Variants in PIAS1 observed in about 807,000 individuals in gnomAD.
PIAS1 encodes E3 SUMO-protein ligase PIAS1.
A neutral mutation model predicts 71.3 loss-of-function variants in PIAS1; 6 were observed. The ratio of observed to expected loss-of-function variants is 0.08; its 90% CI spans 0.05 to 0.17. PIAS1 has a LOEUF of 0.17. Ranked by LOEUF, PIAS1 falls within the 10% of genes least tolerant of loss-of-function variation. PIAS1 has a pLI of 1.00. For synonymous variants in PIAS1, 303 were observed against 292.9 expected, an observed-to-expected ratio of 1.03 and a Z score of -0.35; for missense variants, 555 against 793.6, an observed-to-expected ratio of 0.70 and a Z score of 3.61.
chr15:68,085,299 T>G (rs2092269570), intron 1 of PIAS1, among the ~76,000 whole-genome samples: 1 of 152,192 alleles, frequency 6.6e-6, no homozygotes, highest in South Asian at 2.1e-4. Flanking sequence ...GGTAAGTGAT[T>G]TCTTCTCTTT....
intron 8 of PIAS1, among the ~76,000 whole-genome samples, chr15:68,169,799 G>A (rs59026798): frequency 0.013 from 1,968 of 152,196 alleles, 42 homozygotes; most frequent in African/African-American, 0.045. Context: ...TTATTGAAAA[G>A]TTACTATGTG....
At chr15:68,069,658 C>A (rs545139323) in intron 1 of PIAS1, among the ~76,000 whole-genome samples, 1 of 151,888 alleles carries the variant, frequency 6.6e-6, no homozygotes, top group Non-Finnish European at 1.5e-5. Flanking sequence ...AAAAATTAGC[C>A]GGGCGTGGTG....
chr15:68,180,807 G>T (rs1043825512), intron 11 of PIAS1, among the ~76,000 whole-genome samples: 2 of 152,160 alleles, frequency 1.3e-5, no homozygotes, highest in Non-Finnish European at 2.9e-5. Flanking sequence ...TAGGGCATAC[G>T]TATGCTTCTT....
chr15:68,151,442 T>C (rs2092843178), intron 6 of PIAS1, among the ~76,000 whole-genome samples: 1 of 152,100 alleles, frequency 6.6e-6, no homozygotes, highest in African/African-American at 2.4e-5. Context: ...TAGTTTCACA[T>C]TGTTAATTAG....
At position 68,097,258 on chromosome 15, in the gene PIAS1, T is replaced by C. The variant is rs142503953; in HGVS notation, c.469+10508T>C. Among the ~76,000 whole-genome samples the C allele has an allele frequency of 2.6e-5, 4 of 152,322 alleles. No individual in the cohort carries two copies. The East Asian group carries it at 7.7e-4, about 29-fold the overall frequency. ...AGGAATAAACCCCACTTGATCATTA[T>C]GTAAAACCCTTTTCATATGCTATTG... On this transcript the variant is annotated intron_variant, in intron 2 of 13. Transcript: ENST00000249636.
intron 8 of PIAS1, among the ~76,000 whole-genome samples, chr15:68,172,850 T>C (rs1390603951): frequency 6.6e-6 from 1 of 152,206 alleles, no homozygotes; most frequent in Non-Finnish European, 1.5e-5. Flanking sequence ...CCGTGTTAGC[T>C]GAAGCAATAT....
intron 2 of PIAS1, among the ~76,000 whole-genome samples, chr15:68,088,176 G>GTGTGTGTATATATATATATATATATA (rs150997979): frequency 1.1e-4 from 8 of 73,000 alleles, no homozygotes; most frequent in African/African-American, 3.7e-4. Flanking sequence ...TTATGTGTGT[G>GTGTGTGTATATATATATATATATATA]TATATATATA....
At chr15:68,059,441 A>G (rs929739854) in intron 1 of PIAS1, among the ~76,000 whole-genome samples, 16 of 152,094 alleles carry the variant, frequency 1.1e-4, no homozygotes, top group African/African-American at 3.1e-4. Flanking sequence ...ACCGGATGCC[A>G]TGGCTCACAC....
intron 2 of PIAS1, among the ~76,000 whole-genome samples, chr15:68,098,131 T>C (rs1396507733): frequency 6.6e-6 from 1 of 152,194 alleles, no homozygotes; most frequent in Non-Finnish European, 1.5e-5. Context: ...ATGCCACCTT[T>C]GCAACACACA....
At chr15:68,137,634 C>T (rs1033263394) in intron 2 of PIAS1, among the ~76,000 whole-genome samples, 4 of 151,982 alleles carry the variant, frequency 2.6e-5, no homozygotes, top group African/African-American at 7.3e-5. Context: ...AGTTCCAGTT[C>T]TGAGTTTTCT....
intron 6 of PIAS1, among the ~76,000 whole-genome samples, chr15:68,150,207 A>G (rs917845732): frequency 3.3e-5 from 5 of 151,898 alleles, no homozygotes; most frequent in African/African-American, 1.2e-4. Context: ...GTTTTTGTGT[A>G]TGAAAAGAAT....
At chr15:68,142,858 A>C (rs1423329067) in intron 4 of PIAS1, among the ~76,000 whole-genome samples, 1 of 152,048 alleles carries the variant, frequency 6.6e-6, no homozygotes, top group Non-Finnish European at 1.5e-5. Context: ...AAATATTCTA[A>C]TTTGTTTTGT....
At chr15:68,055,577 T>G in intron 1 of PIAS1, among the ~76,000 whole-genome samples, 1 of 152,108 alleles carries the variant, frequency 6.6e-6, no homozygotes, top group East Asian at 1.9e-4. Flanking sequence ...CAGGCAGTTC[T>G]TAACTAACGC....
intron 8 of PIAS1, among the ~76,000 whole-genome samples, chr15:68,169,731 G>A (rs1161701694): frequency 2.6e-5 from 4 of 152,168 alleles, no homozygotes; most frequent in African/African-American, 9.6e-5. Flanking sequence ...GTCTCCTAGT[G>A]TACAAAGTGA....
At chr15:68,081,685 G>A (rs928955440) in intron 1 of PIAS1, among the ~76,000 whole-genome samples, 3 of 151,966 alleles carry the variant, frequency 2.0e-5, no homozygotes, top group African/African-American at 7.2e-5. Context: ...CCAGAAGATA[G>A]AGCTAAAAGA....
At chr15:68,060,337 T>C (rs1039787436) in intron 1 of PIAS1, among the ~76,000 whole-genome samples, 1 of 152,126 alleles carries the variant, frequency 6.6e-6, no homozygotes, top group East Asian at 1.9e-4. Flanking sequence ...TTTAAAACTA[T>C]ATTGAACATT....
chr15:68,059,600 A>G (rs1342909024), intron 1 of PIAS1, among the ~76,000 whole-genome samples: 1 of 150,918 alleles, frequency 6.6e-6, no homozygotes, highest in Non-Finnish European at 1.5e-5. Flanking sequence ...AATCTCAGCT[A>G]CTCAGGAGGC....
intron 13 of PIAS1, 92 bp downstream of exon 13, chr15:68,183,759 A>G (rs2093070552): frequency 3.4e-6 from 2 of 594,446 alleles, no homozygotes; most frequent in African/African-American, 1.9e-5. Context: ...GACAGGCCAT[A>G]TATGCATTCC....
intron 10 of PIAS1, 43 bp downstream of exon 10, chr15:68,175,810 C>CT (rs747616664): frequency 8.8e-5 from 124 of 1,402,068 alleles, no homozygotes; most frequent in Middle Eastern, 5.6e-4. Flanking sequence ...CCCTACTGCT[C>CT]TAAGTCTGGT....
Sources: gnomAD v4.1 joint callset for allele counts (sites outside exome capture counted in the v4.1 genomes callset) on GRCh38, gnomAD v4.1.1 for gene constraint, MANE v1.5 for transcripts, NCBI Gene and HGNC (gene_info 2026-07-23, HGNC 2026-07-21) for gene names.